TCF20: variants seen among roughly 807,000 people sequenced by gnomAD.
TCF20 encodes SPRE-binding protein.
In TCF20, 3 loss-of-function variants were observed where a neutral mutation model predicts 148.6. That is an observed-to-expected ratio of 0.02 (90% CI 0.01 to 0.05). The LOEUF is 0.05. Among genes scored for constraint, TCF20 ranks in the 10% least tolerant of loss-of-function variants. TCF20 has a pLI of 1.00. For missense variants in TCF20, 2,350 were observed against 2,429.3 expected (o/e 0.97, Z 0.69); for synonymous variants, 1,049 against 909.5 (o/e 1.15, Z -2.76).
In TCF20 at chr22:42,212,307, C is replaced by T; in HGVS notation, c.2999G>A (p.Gly1000Asp). 1 of 1,614,194 alleles carries T rather than the reference C, an allele frequency of 6.2e-7. No individual in the cohort carries two copies. Among genetic ancestry groups the T allele is most frequent in the East Asian group, 2.2e-5 (1 of 44,880 alleles). ...TTGAGAAGGGGACCGACCCCTCATG[C>T]CCTCCCGACCACCAACTCTGCCAGG... ...RVPGRVGGRE[G>D]MRGRSPSQYH... The change falls in exon 2 of 6, where the codon GGC becomes GAC. Residue 1000 changes from glycine to aspartate, a missense_variant. By Grantham distance (94) the Gly-to-Asp change is moderately conservative. This residue lies in a region of TCF20 where 1,641 missense variants were observed against 1,662.6 expected (regional missense o/e 0.99). Transcript: ENST00000677622.
intron 1 of TCF20, among the ~76,000 whole-genome samples, chr22:42,232,816 A>AC (rs963368979): frequency 6.2e-4 from 95 of 152,084 alleles, no homozygotes; most frequent in African/African-American, 1.9e-3. Context: ...AAAAAAAAAA[A>AC]AAAAAACTAG....
chr22:42,336,091 A>T (rs911234108), intron 1 of TCF20, among the ~76,000 whole-genome samples: 2 of 152,190 alleles, frequency 1.3e-5, no homozygotes, highest in African/African-American at 4.8e-5. Flanking sequence ...TGGCGCCAAA[A>T]AACAGAGCAG....
rs761702994 is a variant in TCF20, at chr22:42,212,200, G to A, written c.3106C>T (p.His1036Tyr). 1 of 1,614,250 alleles carries A rather than the reference G, an allele frequency of 6.2e-7. No individual in the cohort carries two copies. The highest frequency in any genetic ancestry group is 8.5e-7 in the Non-Finnish European group (1 of 1,180,034). ...PGGDPHHMNP[H>Y]MTFSERANRS... The stretch of plus-strand genomic sequence containing the variant: ...TTAGCCCTCTCTGAAAAGGTCATGT[G>A]TGGATTCATGTGATGAGGGTCTCCC... Residue 1036 changes from histidine (H) to tyrosine (Y), a missense_variant, in exon 2 of 6, where the codon CAC (histidine) becomes TAC (tyrosine). By Grantham distance (83) the His-to-Tyr change is moderately conservative. Coordinates refer to ENST00000677622, the MANE Select transcript of TCF20 (RefSeq NM_001378418.1).
At chr22:42,232,716 A>C (rs925382028) in intron 1 of TCF20, among the ~76,000 whole-genome samples, 1 of 151,492 alleles carries the variant, frequency 6.6e-6, no homozygotes, top group Admixed American at 6.6e-5. Flanking sequence ...CTGTGGTCCC[A>C]GCAACCCGGG....
intron 1 of TCF20, among the ~76,000 whole-genome samples, chr22:42,296,882 T>C (rs1026293379): frequency 6.6e-6 from 1 of 151,978 alleles, no homozygotes; most frequent in African/African-American, 2.4e-5. Context: ...GATTTTCAAG[T>C]CAAATAACAG....
chr22:42,200,759 AAATT>A (rs770550414), intron 2 of TCF20, among the ~76,000 whole-genome samples: 1 of 152,118 alleles, frequency 6.6e-6, no homozygotes, highest in South Asian at 2.1e-4. Context: ...GCTCTTGCAC[AAATT>A]AATCCCACAG....
chr22:42,322,382 G>A lies in TCF20; in HGVS notation c.-37+21097C>T, dbSNP rs1894538. 0.018 allele frequency among the ~76,000 whole-genome samples: 2,783 copies of A among 151,856 alleles called. 266 individuals carry two copies. The East Asian group carries it at 0.3, about 16-fold the overall frequency. ...ATCTGGCTCAGGCTTCCCGGCAGCC[G>A]TCAGAGAGAGGAGAAGGGGGTCTGC... On this transcript the variant is annotated intron_variant, in intron 1 of 1. Transcript: ENST00000515426.
chr22:42,184,175 G>T (rs1393268988), intron 2 of TCF20, among the ~76,000 whole-genome samples: 1 of 152,116 alleles, frequency 6.6e-6, no homozygotes, highest in African/African-American at 2.4e-5. Context: ...GGAACTCTGG[G>T]TCTGTCTTCG....
intron 2 of TCF20, among the ~76,000 whole-genome samples, chr22:42,206,048 A>G (rs1938362448): frequency 6.6e-6 from 1 of 152,182 alleles, no homozygotes; most frequent in Non-Finnish European, 1.5e-5. Flanking sequence ...TGCTGGGACT[A>G]CAGGCGTGAG....
At chr22:42,341,911 C>T (rs762161830) in intron 1 of TCF20, among the ~76,000 whole-genome samples, 33 of 152,076 alleles carry the variant, frequency 2.2e-4, no homozygotes, top group Non-Finnish European at 4.4e-4. Context: ...TCTGGGAGGA[C>T]CACAGGGAGG....
chr22:42,197,322 C>G (rs1601565083), intron 2 of TCF20, among the ~76,000 whole-genome samples: 1 of 134,212 alleles, frequency 7.5e-6, no homozygotes, highest in South Asian at 2.5e-4. Context: ...AGATGAGAAA[C>G]TTTTTTTTTT....
rs910429356 is a variant in TCF20 at position 42,338,780 on chromosome 22, C to G, written c.-37+4699G>C. Among the ~76,000 whole-genome samples the G allele has an allele frequency of 3.9e-5, 6 of 152,204 alleles. No individual in the cohort carries two copies. The highest frequency in any genetic ancestry group is 3.3e-4 in the Admixed American group (5 of 15,282). On this transcript the variant is annotated intron_variant, in intron 1 of 1. Transcript: ENST00000515426. This position sits in a 1 kb window ranked among gnomAD's most constrained non-coding sequence, Gnocchi z 4.0. The stretch of plus-strand genomic sequence containing the variant: ...CTTTCAAAGGGCAATCTTAATATAT[C>G]AAAGTCCAGATGACAGTTTATTTCA...
chr22:42,266,162 A>G (rs527255948), intron 1 of TCF20, among the ~76,000 whole-genome samples: 13 of 152,120 alleles, frequency 8.5e-5, no homozygotes, highest in African/African-American at 2.9e-4. Flanking sequence ...TTGTGCCTTG[A>G]GCAGGCAACA....
Position 42,183,545 on chromosome 22 carries a change from T to G in TCF20, c.5656-3843A>C, listed in dbSNP as rs182257733. On this transcript the variant is annotated intron_variant, in intron 2 of 5. Transcript: ENST00000677622. ...AAGGGACAGGGCGGCAGCTGCAGAA[T>G]TTTTAAAAGGCAAGGAAGCATGTTC... Among the ~76,000 whole-genome samples, 17 of 152,282 alleles carry G rather than the reference T, an allele frequency of 1.1e-4. 1 individual carries two copies. The highest frequency in any genetic ancestry group is 1.0e-3 in the Admixed American group (16 of 15,302).
intron 2 of TCF20, among the ~76,000 whole-genome samples, chr22:42,208,780 G>C (rs1386229637): frequency 6.6e-6 from 1 of 152,138 alleles, no homozygotes; most frequent in Non-Finnish European, 1.5e-5. Flanking sequence ...ATTATAAAGA[G>C]AGCAGAGAAA....
intron 1 of TCF20, among the ~76,000 whole-genome samples, chr22:42,243,874 T>C (rs1333598245): frequency 6.6e-6 from 1 of 152,148 alleles, no homozygotes; most frequent in Non-Finnish European, 1.5e-5. Flanking sequence ...CAGCACTTCA[T>C]ACCCATAGGT....
intron 1 of TCF20, among the ~76,000 whole-genome samples, chr22:42,236,864 G>A (rs1923936493): frequency 6.6e-6 from 1 of 152,180 alleles, no homozygotes; most frequent in African/African-American, 2.4e-5. Flanking sequence ...ATGGTATTAT[G>A]TCTAAAAGAC....
rs146292973 is a variant in TCF20, at chr22:42,313,892, G to A, written c.-37+29587C>T. ...TGAGGTTAGAGGCGTGAGTCACCGC[G>A]CCGGGCCAACAGAATTCCCCGCCTC... is the stretch of plus-strand genomic sequence containing the variant. On this transcript the variant is annotated intron_variant, in intron 1 of 1. Transcript: ENST00000515426. 8.5e-5 allele frequency among the ~76,000 whole-genome samples: 13 copies of A among 152,282 alleles called. No homozygotes were observed. The East Asian group carries it at 1.7e-3, about 20-fold the overall frequency.
At chr22:42,176,134 G>A (rs1172827670) in intron 3 of TCF20, among the ~76,000 whole-genome samples, 1 of 152,180 alleles carries the variant, frequency 6.6e-6, no homozygotes, top group East Asian at 1.9e-4. Flanking sequence ...TGATCAAATA[G>A]TGCCTTGGCC....
Sources: gnomAD v4.1 joint callset for allele counts (sites outside exome capture counted in the v4.1 genomes callset) on GRCh38, gnomAD v4.1.1 for gene constraint, gnomAD v4.1.1 regional missense constraint, Gnocchi (gnomAD v3.1) non-coding constraint, MANE v1.5 for transcripts, NCBI Gene and HGNC (gene_info 2026-07-23, HGNC 2026-07-21) for gene names.